SLC9A1: variants seen among roughly 807,000 people sequenced by gnomAD.
The protein encoded by SLC9A1 is solute carrier family 9 member A1, also known as sodium/hydrogen exchanger 1.
Under a neutral mutation model 67.9 loss-of-function variants are expected in SLC9A1, and 22 were observed. The observed-to-expected ratio is 0.32, with a 90% confidence interval of 0.23 to 0.46. The LOEUF is 0.46. Ranked by LOEUF, SLC9A1 falls within the 20% of genes least tolerant of loss-of-function variation. SLC9A1 has a pLI of 1.00. For missense variants in SLC9A1, 686 were observed against 1,094.8 expected (o/e 0.63, Z 5.27); for synonymous variants, 421 against 471.8 (o/e 0.89, Z 1.40).
chr1:27,122,940 G>C (rs2083315100), intron 1 of SLC9A1, among the ~76,000 whole-genome samples: 2 of 151,686 alleles, frequency 1.3e-5, no homozygotes, highest in South Asian at 4.2e-4. Context: ...GCCCAACAGT[G>C]CCTGGCAAGG....
At chr1:27,136,683 C>A (rs1358544418) in intron 1 of SLC9A1, among the ~76,000 whole-genome samples, 1 of 152,200 alleles carries the variant, frequency 6.6e-6, no homozygotes, top group Non-Finnish European at 1.5e-5. Flanking sequence ...CCTCTCCACT[C>A]TCCCCTCAAC....
chr1:27,137,612 T>C lies in SLC9A1; in HGVS notation c.352+16371A>G, dbSNP rs2083427896. On this transcript the variant is annotated intron_variant, in intron 1 of 11. Coordinates refer to ENST00000263980, the MANE Select transcript of SLC9A1 (RefSeq NM_003047.5). This position sits in a 1 kb window ranked among gnomAD's most constrained non-coding sequence, Gnocchi z 4.6. ...CAGTCTCTAGGATCCCTCCCAGTGC[T>C]AAAGTCTGGTTCTGATTCTAGGTCT... is the stretch of plus-strand genomic sequence containing the variant. 1.3e-5 allele frequency among the ~76,000 whole-genome samples: 2 copies of C among 152,166 alleles called. No homozygotes were observed. Among genetic ancestry groups the C allele is most frequent in the Non-Finnish European group, 2.9e-5 (2 of 68,020 alleles).
In SLC9A1 at chr1:27,101,195, G is replaced by C. The variant is rs749290227; in HGVS notation, c.2110+8C>G. 3 of 1,607,990 alleles carry C rather than the reference G, an allele frequency of 1.9e-6. No homozygotes were observed. The South Asian group carries it at 3.3e-5, about 18-fold the overall frequency. ...GCCCAGTCCTGAGGCCCCTCGCCAG[G>C]CCCTTACCTGAGCCGATGCGGGCCC... On this transcript the variant is annotated splice_region_variant and intron_variant, in intron 11 of 11. Coordinates refer to ENST00000263980, the MANE Select transcript of SLC9A1 (RefSeq NM_003047.5). This position sits in a 1 kb window ranked among gnomAD's most constrained non-coding sequence, Gnocchi z 4.9.
At chr1:27,134,742 G>A (rs921525941) in intron 1 of SLC9A1, among the ~76,000 whole-genome samples, 4 of 152,294 alleles carry the variant, frequency 2.6e-5, no homozygotes, top group Non-Finnish European at 2.9e-5. Flanking sequence ...CAGACAGCAC[G>A]ATTTTGTTTG....
chr1:27,106,154 A>T lies in SLC9A1; in HGVS notation c.1283-67T>A, dbSNP rs2083183738. The T allele has an allele frequency of 9.7e-7, 1 of 1,030,098 alleles. No homozygotes were observed. The highest frequency in any genetic ancestry group is 2.1e-5 in the Admixed American group (1 of 48,318). The allele number at this position is 1,030,098 out of a possible 1,614,324, so 63.8% of individuals were successfully genotyped here. ...GTCCCCAGTCCCTCCTGGATTCTGC[A>T]TCAGTGATTTCTCTGTGCATCCAGG... On this transcript the variant is annotated intron_variant, in intron 4 of 11. Transcript: ENST00000263980. This position sits in a 1 kb window ranked among gnomAD's most constrained non-coding sequence, Gnocchi z 4.3.
At chr1:27,147,191 T>C (rs573245306) in intron 1 of SLC9A1, among the ~76,000 whole-genome samples, 2 of 150,208 alleles carry the variant, frequency 1.3e-5, no homozygotes, top group East Asian at 4.0e-4. Context: ...TCCCAGCTAC[T>C]CAGGAGGCTG....
rs541572214 is a variant in SLC9A1, at chr1:27,101,093, G to A, written c.2110+110C>T. ...CTTGGGAGGGGATCCTGAGGTCAGC[G>A]AGGGCCAGGCCTGTCCTCCCAGTGG... On this transcript the variant is annotated intron_variant, in intron 11 of 11. Coordinates refer to ENST00000263980, the MANE Select transcript of SLC9A1 (RefSeq NM_003047.5). This position sits in a 1 kb window ranked among gnomAD's most constrained non-coding sequence, Gnocchi z 4.9. The A allele has an allele frequency of 5.7e-5, 46 of 801,472 alleles. No homozygotes were observed. Among genetic ancestry groups the A allele is most frequent in the South Asian group, 4.4e-4 (27 of 61,840 alleles). The allele number at this position is 801,472 out of a possible 1,614,324, so 49.6% of individuals were successfully genotyped here.
chr1:27,138,834 T>C (rs1460951460), intron 1 of SLC9A1, among the ~76,000 whole-genome samples: 1 of 152,064 alleles, frequency 6.6e-6, no homozygotes, highest in African/African-American at 2.4e-5. Flanking sequence ...CAGGAAGCAT[T>C]TGAAAGGTTT....
chr1:27,121,992 T>C (rs968690693), intron 1 of SLC9A1, among the ~76,000 whole-genome samples: 7 of 152,136 alleles, frequency 4.6e-5, no homozygotes, highest in African/African-American at 1.4e-4. Context: ...AGTGTGCGCC[T>C]ATAGTCCTAG....
Position 27,107,598 on chromosome 1 carries a change from A to G in SLC9A1, c.1282+50T>C, listed in dbSNP as rs201902854. The stretch of plus-strand genomic sequence containing the variant: ...ACAGCACCACAGCCCACCACCCCCC[A>G]CACACACCCCACACCACAACCCCCA... On this transcript the variant is annotated intron_variant, in intron 4 of 11. Transcript: ENST00000263980. 5.9e-6 allele frequency: 7 copies of G among 1,192,126 alleles called. No individual in the cohort carries two copies. The South Asian group carries it at 9.5e-5, about 16-fold the overall frequency. The allele number at this position is 1,192,126 out of a possible 1,614,324, so 73.8% of individuals were successfully genotyped here.
At position 27,105,873 on chromosome 1, in the gene SLC9A1, C is replaced by CAAAGACGG. The variant is rs1406248544; in HGVS notation, c.1485+11_1485+12insCCGTCTTT. The stretch of plus-strand genomic sequence containing the variant: ...CCCCAAGGCAAGGGCCTGCCCTGCC[C>CAAAGACGG]TGGCCCAGCACCTGCACAAAGACGG... On this transcript the variant is annotated intron_variant, in intron 5 of 11. Coordinates refer to ENST00000263980, the MANE Select transcript of SLC9A1 (RefSeq NM_003047.5). 1 of 1,611,954 alleles carries CAAAGACGG rather than the reference C, an allele frequency of 6.2e-7. No individual in the cohort carries two copies. Among genetic ancestry groups the CAAAGACGG allele is most frequent in the South Asian group, 1.1e-5 (1 of 91,068 alleles).
At position 27,103,279 on chromosome 1, in the gene SLC9A1, C is replaced by A; in HGVS notation, c.1519G>T (p.Ala507Ser). 2 of 1,614,028 alleles carry A rather than the reference C, an allele frequency of 1.2e-6. No homozygotes were observed. The highest frequency in any genetic ancestry group is 1.7e-6 in the Non-Finnish European group (2 of 1,179,972). The change falls in exon 6 of 12, where the codon GCT (alanine) becomes TCT (serine). Residue 507 changes from alanine (A) to serine (S), a missense_variant. By Grantham distance (99) the Ala-to-Ser change is moderately conservative. This residue lies in a region of SLC9A1 where 168 missense variants were observed against 375.4 expected (regional missense o/e 0.45). Coordinates refer to ENST00000263980, the MANE Select transcript of SLC9A1 (RefSeq NM_003047.5). ...TTCGTCTCTTGCTTTTTCTTCACAGCCAACAGGTCTACCAGGGGCCGAATG... is the reference window on the plus strand; with the variant it reads ...TTCGTCTCTTGCTTTTTCTTCACAGACAACAGGTCTACCAGGGGCCGAATG... ...MTIRPLVDLLAVKKKQETKRS... is the reference protein window; with the variant it reads ...MTIRPLVDLLSVKKKQETKRS...
chr1:27,144,057 T>C (rs754028473), intron 1 of SLC9A1, among the ~76,000 whole-genome samples: 2 of 152,192 alleles, frequency 1.3e-5, no homozygotes, highest in African/African-American at 2.4e-5. Context: ...TTTATTCATA[T>C]TATAAAAATA....
intron 2 of SLC9A1, among the ~76,000 whole-genome samples, chr1:27,110,963 G>A (rs2083223704): frequency 6.6e-6 from 1 of 152,220 alleles, no homozygotes. Context: ...CGTGAGGAGT[G>A]ACCTGTCTAG....
chr1:27,147,816 A>G (rs1194532308), intron 1 of SLC9A1, among the ~76,000 whole-genome samples: 6 of 151,896 alleles, frequency 4.0e-5, no homozygotes, highest in Admixed American at 2.6e-4. Flanking sequence ...CCAACACGGC[A>G]AAACCCCATC....
chr1:27,126,906 G>A (rs2083348260), intron 1 of SLC9A1, among the ~76,000 whole-genome samples: 1 of 152,208 alleles, frequency 6.6e-6, no homozygotes, highest in Non-Finnish European at 1.5e-5. Context: ...AAGGGTGAGA[G>A]TTAGGCACCA....
chr1:27,107,772 C>G lies in SLC9A1; in HGVS notation c.1158G>C (p.Trp386Cys). Residue 386 changes from tryptophan to cysteine, a missense_variant, in exon 4 of 12, where the codon TGG (tryptophan) becomes TGC (cysteine). By Grantham distance (215) the Trp-to-Cys change is radical (BLOSUM62 -2). Around this residue, in one of 7 missense-constraint regions of SLC9A1, gnomAD observed 168 missense variants for 375.4 expected, o/e 0.45. Coordinates refer to ENST00000263980, the MANE Select transcript of SLC9A1 (RefSeq NM_003047.5). ...AGATGAGGGTCTCGCTGACGCTGCT[C>G]CACATCTTCAGGAAGTATTTGATGG... Reference protein sequence around the residue: ...HTTIKYFLKMWSSVSETLIFI... With the variant: ...HTTIKYFLKMCSSVSETLIFI... The G allele has an allele frequency of 6.2e-7, 1 of 1,606,698 alleles. No homozygotes were observed. Among genetic ancestry groups the G allele is most frequent in the Non-Finnish European group, 8.5e-7 (1 of 1,177,258 alleles).
At chr1:27,150,813 T>C (rs762673895) in intron 1 of SLC9A1, among the ~76,000 whole-genome samples, 1 of 152,162 alleles carries the variant, frequency 6.6e-6, no homozygotes, top group Non-Finnish European at 1.5e-5. Flanking sequence ...CCCGAGGCTC[T>C]GCTCCATGGT....
chr1:27,108,162 G>C (rs975747835), intron 3 of SLC9A1, among the ~76,000 whole-genome samples: 10 of 151,264 alleles, frequency 6.6e-5, no homozygotes, highest in Non-Finnish European at 1.5e-4. Flanking sequence ...CGCCTCCCGG[G>C]TTCAAGCAAT....
Sources: allele counts gnomAD v4.1 joint callset (sites outside exome capture counted in the v4.1 genomes callset), GRCh38; gene constraint gnomAD v4.1.1; regional missense constraint gnomAD v4.1.1; non-coding constraint Gnocchi (gnomAD v3.1); transcripts MANE v1.5; gene names NCBI Gene and HGNC (gene_info 2026-07-23, HGNC 2026-07-21).